The following LYST variants were observed in gnomAD, a reference collection of about 807,000 sequenced individuals.
LYST encodes lysosomal trafficking regulator.
Under a neutral mutation model 413.6 loss-of-function variants are expected in LYST, and 192 were observed. The observed-to-expected ratio is 0.46, with a 90% CI of 0.41 to 0.52. LYST has a LOEUF of 0.52. Among genes scored for constraint, LYST ranks in the 20% least tolerant of loss-of-function variants. The pLI, the probability that LYST is intolerant of heterozygous loss-of-function variation, is 0.00. For synonymous variants in LYST, 1,525 were observed against 1,567.3 expected, an observed-to-expected ratio of 0.97 and a Z score of 0.64; for missense variants, 3,815 against 4,499.9, an observed-to-expected ratio of 0.85 and a Z score of 4.35.
intron 1 of LYST, among the ~76,000 whole-genome samples, chr1:235,872,996 T>C (rs1681003181): frequency 6.6e-6 from 1 of 152,182 alleles, no homozygotes; most frequent in Non-Finnish European, 1.5e-5. Context: ...GAGTTCTACT[T>C]TCTATGGCTT....
chr1:235,773,511 C>T (rs571093457), intron 19 of LYST, among the ~76,000 whole-genome samples: 2 of 152,096 alleles, frequency 1.3e-5, no homozygotes, highest in South Asian at 4.1e-4. Flanking sequence ...CACAGATGAG[C>T]CTTGAAGACA....
chr1:235,867,968 TC>T (rs1175917502), upstream of LYST, among the ~76,000 whole-genome samples: 1 of 152,172 alleles, frequency 6.6e-6, no homozygotes, highest in African/African-American at 2.4e-5. Flanking sequence ...CAAATGTTAC[TC>T]CCAATTCCTC....
Position 235,677,188 on chromosome 1 carries a change from C to T in LYST, c.10941G>A (p.Arg3647=), listed in dbSNP as rs763826917. The T allele has an allele frequency of 1.9e-6, 3 of 1,606,964 alleles. No homozygotes were observed. The highest frequency in any genetic ancestry group is 4.5e-5 in the East Asian group (2 of 44,836). ...DGTCIIWDLN[R]LCYVQSLAGH... is the part of the protein sequence containing the mutation. ...CCGCCAGACTTTGTACATAGCATAA[C>T]CTGAAAGAAAAAAGACATGAATTTG... Residue 3647 remains arginine, a splice_region_variant and synonymous_variant, in exon 50 of 53, where the codon AGG becomes AGA. Transcript: ENST00000389793.
intron 3 of LYST, among the ~76,000 whole-genome samples, chr1:235,813,469 C>T (rs1673672794): frequency 6.6e-6 from 1 of 152,086 alleles, no homozygotes; most frequent in South Asian, 2.1e-4. Context: ...AAATGAAAAA[C>T]TCAGAGACGA....
intron 10 of LYST, among the ~76,000 whole-genome samples, 155 bp downstream of exon 10, chr1:235,800,165 T>C (rs1392765052): frequency 1.3e-5 from 2 of 151,360 alleles, no homozygotes; most frequent in South Asian, 2.1e-4. Flanking sequence ...CAGGCTGGTA[T>C]TGAACTCCCA....
chr1:235,768,728 A>G lies in LYST; in HGVS notation c.5922+1432T>C, dbSNP rs371969130. 3.3e-5 allele frequency among the ~76,000 whole-genome samples: 5 copies of G among 152,264 alleles called. No individual in the cohort carries two copies. In the East Asian group the frequency reaches 7.7e-4, roughly 23 times the overall value. On this transcript the variant is annotated intron_variant, in intron 20 of 52. Transcript: ENST00000389793. ...TCTGACATGCAAAGACTGAATAAGA[A>G]TATCACATTGTCATATGAACTTAAT...
chr1:235,666,781 T>C (rs1658524579), intron 50 of LYST, among the ~76,000 whole-genome samples: 2 of 152,154 alleles, frequency 1.3e-5, no homozygotes, highest in African/African-American at 4.8e-5. Context: ...ACCTTTCTTT[T>C]GAATTAAATG....
chr1:235,776,030 T>C (rs1669198008), intron 17 of LYST, among the ~76,000 whole-genome samples: 1 of 152,122 alleles, frequency 6.6e-6, no homozygotes, highest in Non-Finnish European at 1.5e-5. Flanking sequence ...AATCTCTATG[T>C]AACAATAACA....
At chr1:235,768,338 C>T (rs1668339027) in intron 20 of LYST, among the ~76,000 whole-genome samples, 1 of 151,984 alleles carries the variant, frequency 6.6e-6, no homozygotes, top group Non-Finnish European at 1.5e-5. Flanking sequence ...TATTTGCTCC[C>T]TACTAAACAC....
intron 31 of LYST, chr1:235,737,916 A>AAATAGGCG: frequency 8.6e-7 from 1 of 1,163,406 alleles, no homozygotes; most frequent in East Asian, 4.2e-5. Flanking sequence ...GCTGCCGACG[A>AAATAGGCG]GTCTGGATCT....
chr1:235,695,097 TG>T (rs1660980261), intron 46 of LYST, among the ~76,000 whole-genome samples: 1 of 152,150 alleles, frequency 6.6e-6, no homozygotes, highest in Admixed American at 6.5e-5. Context: ...GTTGAGTGTA[TG>T]TAGTAAACAC....
At chr1:235,756,025 CTA>C (rs1449440271) in intron 24 of LYST, among the ~76,000 whole-genome samples, 1 of 124,474 alleles carries the variant, frequency 8.0e-6, no homozygotes, top group East Asian at 2.1e-4. Flanking sequence ...ATATCTATAT[CTA>C]TATCTATATC....
chr1:235,673,251 C>T (rs1285960727), intron 50 of LYST, among the ~76,000 whole-genome samples: 1 of 151,830 alleles, frequency 6.6e-6, no homozygotes, highest in Non-Finnish European at 1.5e-5. Flanking sequence ...CCCTTAACCA[C>T]CCCCTCCATT....
At chr1:235,861,919 T>C (rs944476807) in intron 1 of LYST, among the ~76,000 whole-genome samples, 3 of 152,222 alleles carry the variant, frequency 2.0e-5, no homozygotes, top group Non-Finnish European at 4.4e-5. Flanking sequence ...CCATCTTTAC[T>C]GAAACAAAAC....
At chr1:235,804,284 CT>C (rs1195298650) in intron 7 of LYST, among the ~76,000 whole-genome samples, 1 of 152,170 alleles carries the variant, frequency 6.6e-6, no homozygotes, top group East Asian at 1.9e-4. Flanking sequence ...TAAGGAAAAG[CT>C]TATCATATCA....
chr1:235,763,490 G>A (rs540415048), intron 21 of LYST, among the ~76,000 whole-genome samples: 52 of 152,134 alleles, frequency 3.4e-4, no homozygotes, highest in African/African-American at 1.2e-3. Flanking sequence ...TTGCTCTGTC[G>A]CCCAGGCTGG....
intron 50 of LYST, among the ~76,000 whole-genome samples, chr1:235,671,222 G>A (rs893391346): frequency 3.9e-5 from 6 of 152,168 alleles, no homozygotes; most frequent in Admixed American, 3.9e-4. Context: ...ACAGGTGTGA[G>A]CCACTGCACC....
intron 48 of LYST, among the ~76,000 whole-genome samples, chr1:235,683,381 G>C (rs1659977662): frequency 6.6e-6 from 1 of 152,154 alleles, no homozygotes; most frequent in South Asian, 2.1e-4. Context: ...AGATGATGTG[G>C]ACACGTTACT....
intron 43 of LYST, 124 bp downstream of exon 43, chr1:235,711,933 C>T (rs1662433547): frequency 1.6e-6 from 1 of 634,270 alleles, no homozygotes; most frequent in African/African-American, 1.8e-5. Flanking sequence ...TAATAAAAAA[C>T]ATTTTCTCTT....
Sources: allele counts gnomAD v4.1 joint callset (sites outside exome capture counted in the v4.1 genomes callset), GRCh38; gene constraint gnomAD v4.1.1; transcripts MANE v1.5; gene names NCBI Gene and HGNC (gene_info 2026-07-23, HGNC 2026-07-21).